Variants in STRAP observed in about 807,000 individuals in gnomAD.
STRAP encodes serine/threonine kinase receptor associated protein.
Under a neutral mutation model 47.0 loss-of-function variants are expected in STRAP, and 16 were observed. The ratio of observed to expected loss-of-function variants is 0.34; its 90% CI spans 0.23 to 0.52. STRAP has a LOEUF of 0.52. STRAP is among the 20% of genes least tolerant of loss of function. The pLI is 0.96. For synonymous variants in STRAP, 130 were observed against 142.7 expected, an observed-to-expected ratio of 0.91 and a Z score of 0.63; for missense variants, 293 against 420.0, an observed-to-expected ratio of 0.70 and a Z score of 2.64.
rs1248453715 is a variant in STRAP, at chr12:15,887,461, A to G, written c.249-2467A>G. 2.6e-5 allele frequency among the ~76,000 whole-genome samples: 4 copies of G among 152,182 alleles called. No individual in the cohort carries two copies. The highest frequency in any genetic ancestry group is 4.8e-5 in the African/African-American group (2 of 41,446). On this transcript the variant is annotated intron_variant, in intron 2 of 9. Transcript: ENST00000419869. This position sits in a 1 kb window ranked among gnomAD's most constrained non-coding sequence, Gnocchi z 5.5. Reference sequence around the variant, plus strand: ...CCCTGTGGCCAACTAATATATGTCAATTTCTTGCCTGGAGATTGAATAATA... The same window carrying G: ...CCCTGTGGCCAACTAATATATGTCAGTTTCTTGCCTGGAGATTGAATAATA...
chr12:15,891,728 A>C (rs1948016414), intron 4 of STRAP, among the ~76,000 whole-genome samples: 1 of 152,200 alleles, frequency 6.6e-6, no homozygotes, highest in African/African-American at 2.4e-5. Flanking sequence ...GGATCACCTG[A>C]GGTCAGGAGT....
Position 15,894,572 on chromosome 12 carries a change from G to C in STRAP, c.500+429G>C, listed in dbSNP as rs1194843294. ...AACATTAAAATTTAAGTTGCACCCA[G>C]GTCACATTTATCTGGAGCTATCTAT... On this transcript the variant is annotated intron_variant, in intron 5 of 9. Transcript: ENST00000419869. The surrounding 1 kb of genome is among the most constrained non-coding windows in gnomAD (Gnocchi z 4.9). 6.6e-6 allele frequency among the ~76,000 whole-genome samples: 1 copy of C among 152,126 alleles called. No homozygotes were observed. Among genetic ancestry groups the C allele is most frequent in the African/African-American group, 2.4e-5 (1 of 41,416 alleles).
chr12:15,889,745 T>C lies in STRAP; in HGVS notation c.249-183T>C, dbSNP rs185176865. ...AGAGAAATTTCTTTTCCCTTAAGCT[T>C]ATTTAAATATTTTATCAAATGAAGT... is the stretch of plus-strand genomic sequence containing the variant. On this transcript the variant is annotated intron_variant, in intron 2 of 9. Coordinates refer to ENST00000419869, the MANE Select transcript of STRAP (RefSeq NM_007178.4). Among the ~76,000 whole-genome samples the C allele has an allele frequency of 1.3e-4, 20 of 152,298 alleles. No homozygotes were observed. In the East Asian group the frequency reaches 3.3e-3, roughly 25 times the overall value.
At chr12:15,885,827 T>C (rs979323023) in intron 2 of STRAP, among the ~76,000 whole-genome samples, 2 of 152,186 alleles carry the variant, frequency 1.3e-5, no homozygotes, top group African/African-American at 4.8e-5. Flanking sequence ...TGGTTTTGAA[T>C]ATTAAATAAG....
chr12:15,902,917 A>G lies in STRAP; in HGVS notation c.992A>G (p.Glu331Gly). The stretch of plus-strand genomic sequence containing the variant: ...TTTTTTTTTTTTTTTTTACTTATAG[A>G]AGAAATTGCTTCAGAGAATTCAGAT... ...GFPETTEEELEEIASENSDCI... is the reference protein window; with the variant it reads ...GFPETTEEELGEIASENSDCI... Residue 331 changes from glutamate (E) to glycine (G), a missense_variant and splice_region_variant, in exon 10 of 10, where the codon GAA becomes GGA. Around this residue, in one of 5 missense-constraint regions of STRAP, gnomAD observed 52 missense variants for 45.0 expected, o/e 1.16. Transcript: ENST00000419869. The G allele has an allele frequency of 6.8e-7, 1 of 1,476,022 alleles. No individual in the cohort carries two copies. Among genetic ancestry groups the G allele is most frequent in the Non-Finnish European group, 8.9e-7 (1 of 1,125,020 alleles). The allele number at this position is 1,476,022 out of a possible 1,614,324, so 91.4% of individuals were successfully genotyped here. A position where few individuals can be genotyped will look rare whatever the true frequency, so the allele number is the denominator to read the frequency against.
At chr12:15,900,361 C>G (rs970814746) in intron 8 of STRAP, among the ~76,000 whole-genome samples, 2 of 151,868 alleles carry the variant, frequency 1.3e-5, no homozygotes, top group Non-Finnish European at 2.9e-5. Context: ...GAAACCCCAT[C>G]TCTACTAAAA....
In STRAP at chr12:15,896,918, G is replaced by T. The variant is rs187466817; in HGVS notation, c.639-964G>T. ...GGGCTAACTGGGAGAAAGAAAAGGCGGTAAAATTGGAGGAGAGCAATTAAG... is the reference window on the plus strand; with the variant it reads ...GGGCTAACTGGGAGAAAGAAAAGGCTGTAAAATTGGAGGAGAGCAATTAAG... On this transcript the variant is annotated intron_variant, in intron 6 of 9. Transcript: ENST00000419869. The surrounding 1 kb of genome is among the most constrained non-coding windows in gnomAD (Gnocchi z 4.1). Among the ~76,000 whole-genome samples the T allele has an allele frequency of 1.5e-3, 226 of 152,284 alleles. No homozygotes were observed. The highest frequency in any genetic ancestry group is 9.8e-3 in the East Asian group (51 of 5,180).
At chr12:15,884,755 G>T (rs1947954895) in intron 2 of STRAP, among the ~76,000 whole-genome samples, 1 of 151,948 alleles carries the variant, frequency 6.6e-6, no homozygotes, top group Non-Finnish European at 1.5e-5. Flanking sequence ...CTGATTATTG[G>T]TGTTTTTTTA....
rs1321941566 is a variant in STRAP at position 15,890,182 on chromosome 12, T to C, written c.330+173T>C. On this transcript the variant is annotated intron_variant, in intron 3 of 9. Coordinates refer to ENST00000419869, the MANE Select transcript of STRAP (RefSeq NM_007178.4). The surrounding 1 kb of genome is among the most constrained non-coding windows in gnomAD (Gnocchi z 4.5). ...TATTAAGCTCTATGAATTTGTTTCA[T>C]AGTTAATCCTGTCAAGCTTTTAAGA... Among the ~76,000 whole-genome samples the C allele has an allele frequency of 6.6e-6, 1 of 152,234 alleles. No homozygotes were observed. Among genetic ancestry groups the C allele is most frequent in the Non-Finnish European group, 1.5e-5 (1 of 68,040 alleles).
chr12:15,888,067 A>G (rs1947985686), intron 2 of STRAP, among the ~76,000 whole-genome samples: 1 of 152,242 alleles, frequency 6.6e-6, no homozygotes, highest in Non-Finnish European at 1.5e-5. Context: ...TATGTAAACA[A>G]AAAACAAAGC....
chr12:15,883,500 T>A (rs1367887768), intron 1 of STRAP, 41 bp from the exon 2 acceptor site: 3 of 1,581,280 alleles, frequency 1.9e-6, no homozygotes, highest in Middle Eastern at 2.3e-4. Context: ...CTTTAAGTAA[T>A]CTGAACTTAT....
chr12:15,901,485 A>G (rs543876026), intron 9 of STRAP, among the ~76,000 whole-genome samples: 1 of 152,302 alleles, frequency 6.6e-6, no homozygotes, highest in South Asian at 2.1e-4. Flanking sequence ...ATGAGGAACT[A>G]AAAGAACTTC....
Position 15,890,516 on chromosome 12 carries a change from G to T in STRAP, c.331-81G>T. The stretch of plus-strand genomic sequence containing the variant: ...TTGTGATGTCTGTGAGCTAGATTTT[G>T]ATTTTATTTGGTGTTGAAATTTGAA... On this transcript the variant is annotated intron_variant, in intron 3 of 9. Transcript: ENST00000419869. The surrounding 1 kb of genome is among the most constrained non-coding windows in gnomAD (Gnocchi z 4.5). 1.7e-6 allele frequency: 2 copies of T among 1,167,478 alleles called. No individual in the cohort carries two copies. The highest frequency in any genetic ancestry group is 3.9e-4 in the Middle Eastern group (2 of 5,108). 72.3% of individuals were successfully genotyped at this position (1,167,478 alleles called of 1,614,324 possible).
Position 15,887,939 on chromosome 12 carries a change from T to A in STRAP, c.249-1989T>A, listed in dbSNP as rs1490095392. On this transcript the variant is annotated intron_variant, in intron 2 of 9. Coordinates refer to ENST00000419869, the MANE Select transcript of STRAP (RefSeq NM_007178.4). The surrounding 1 kb of genome is among the most constrained non-coding windows in gnomAD (Gnocchi z 5.5). ...GGTTTCTTTGGAGACTTGTGAATAATTAGAATAGTAATTTTAGATACATTT... is the reference window on the plus strand; with the variant it reads ...GGTTTCTTTGGAGACTTGTGAATAAATAGAATAGTAATTTTAGATACATTT... Among the ~76,000 whole-genome samples the A allele has an allele frequency of 6.6e-6, 1 of 152,240 alleles. No homozygotes were observed. The highest frequency in any genetic ancestry group is 2.4e-5 in the African/African-American group (1 of 41,462).
At chr12:15,883,975 C>T (rs1256165573) in intron 2 of STRAP, among the ~76,000 whole-genome samples, 1 of 152,186 alleles carries the variant, frequency 6.6e-6, no homozygotes. Context: ...TTTACGAATG[C>T]TGCTCTGTGT....
At chr12:15,902,090 G>C (rs551445372) in intron 9 of STRAP, among the ~76,000 whole-genome samples, 2 of 151,840 alleles carry the variant, frequency 1.3e-5, no homozygotes, top group Non-Finnish European at 2.9e-5. Context: ...ATTCTCCTGC[G>C]TAAGCCTCCT....
At position 15,894,674 on chromosome 12, in the gene STRAP, C is replaced by T. The variant is rs552419325; in HGVS notation, c.500+531C>T. On this transcript the variant is annotated intron_variant, in intron 5 of 9. Transcript: ENST00000419869. The surrounding 1 kb of genome is among the most constrained non-coding windows in gnomAD (Gnocchi z 4.9). Reference sequence around the variant, plus strand: ...CTCTGAAATCTGAGACTTTGAGTGCCGACTTGATGCTTAAAGGAAATGCTC... The same window carrying T: ...CTCTGAAATCTGAGACTTTGAGTGCTGACTTGATGCTTAAAGGAAATGCTC... 2.0e-5 allele frequency among the ~76,000 whole-genome samples: 3 copies of T among 151,898 alleles called. No individual in the cohort carries two copies. The highest frequency in any genetic ancestry group is 4.4e-5 in the Non-Finnish European group (3 of 68,006).
intron 7 of STRAP, among the ~76,000 whole-genome samples, chr12:15,899,651 T>G (rs1948087714): frequency 6.6e-6 from 1 of 152,230 alleles, no homozygotes; most frequent in South Asian, 2.1e-4. Flanking sequence ...TAATGAGACA[T>G]GAAGCCTCAT....
In STRAP at chr12:15,890,638, A is replaced by G; in HGVS notation, c.372A>G (p.Leu124=). The G allele has an allele frequency of 6.2e-7, 1 of 1,611,816 alleles. No homozygotes were observed. ...YLLTGGQDKL[L]RIYDLNKPEA... Reference sequence around the variant, plus strand: ...TAACCGGGGGACAGGATAAACTGTTACGCATATATGACTTGAACAAACCTG... The same window carrying G: ...TAACCGGGGGACAGGATAAACTGTTGCGCATATATGACTTGAACAAACCTG... The change falls in exon 4 of 10, where the codon TTA becomes TTG. Residue 124 remains leucine (L), a synonymous_variant. Coordinates refer to ENST00000419869, the MANE Select transcript of STRAP (RefSeq NM_007178.4). The surrounding 1 kb of genome is among the most constrained non-coding windows in gnomAD (Gnocchi z 4.5).
Sources: gnomAD v4.1 joint callset for allele counts (sites outside exome capture counted in the v4.1 genomes callset) on GRCh38, gnomAD v4.1.1 for gene constraint, gnomAD v4.1.1 regional missense constraint, Gnocchi (gnomAD v3.1) non-coding constraint, MANE v1.5 for transcripts, NCBI Gene and HGNC (gene_info 2026-07-23, HGNC 2026-07-21) for gene names.